TRRAP: variants seen among roughly 807,000 people sequenced by gnomAD.
TRRAP encodes transformation/transcription domain-associated protein.
Under a neutral mutation model 438.8 loss-of-function variants are expected in TRRAP, and 41 were observed. The ratio of observed to expected loss-of-function variants is 0.09; its 90% CI spans 0.07 to 0.12. The LOEUF is 0.12. Among genes scored for constraint, TRRAP ranks in the 10% least tolerant of loss-of-function variants. The pLI, the probability that TRRAP is intolerant of heterozygous loss-of-function variation, is 1.00. For missense variants in TRRAP, 3,122 were observed against 5,055.1 expected, an observed-to-expected ratio of 0.62 and a Z score of 11.60; for synonymous variants, 1,994 against 1,962.9, an observed-to-expected ratio of 1.02 and a Z score of -0.42.
chr7:98,940,446 C>A (rs1449400147), intron 30 of TRRAP, among the ~76,000 whole-genome samples: 1 of 152,148 alleles, frequency 6.6e-6, no homozygotes, highest in African/African-American at 2.4e-5. Context: ...GCGCCTGGCC[C>A]AGCCTGTTTA....
intron 58 of TRRAP, 63 bp downstream of exon 58, chr7:98,978,967 C>T: frequency 6.3e-7 from 1 of 1,597,734 alleles, no homozygotes; most frequent in East Asian, 2.2e-5. Context: ...CTGCAGGTGT[C>T]TCTTGGGAGA....
rs1794490825 is a variant in TRRAP, at chr7:99,013,022, T to C, written c.*667T>C. 6.6e-6 allele frequency: 1 copy of C among 152,276 alleles called. No individual in the cohort carries two copies. Among genetic ancestry groups the C allele is most frequent in the African/African-American group, 2.4e-5 (1 of 41,474 alleles). 9.4% of individuals were successfully genotyped at this position (152,276 alleles called of 1,614,324 possible). ...CTGCAGGCGGCTCCTGTGCTTTTTA[T>C]TTCTGGCTCTTCGGATGTCTTCTAG... On this transcript the variant is annotated 3_prime_UTR_variant, in exon 73 of 73. Transcript: ENST00000456197.
rs956644579 is a variant in TRRAP at position 98,967,642 on chromosome 7, T to C, written c.7456T>C (p.Cys2486Arg). Reference sequence around the variant, plus strand: ...CTACGAGCGCTTGCTCTATGTGACCTGTTCGCAGAACTGGGAAGCCATGGG... The same window carrying C: ...CTACGAGCGCTTGCTCTATGTGACCCGTTCGCAGAACTGGGAAGCCATGGG... ...RVYERLLYVTCSQNWEAMGNH... is the reference protein window; with the variant it reads ...RVYERLLYVTRSQNWEAMGNH... Residue 2486 changes from cysteine (C) to arginine (R), a missense_variant, in exon 51 of 73, where the codon TGT becomes CGT. This residue lies in a region of TRRAP where 992 missense variants were observed against 1,281.2 expected (regional missense o/e 0.77). Coordinates refer to ENST00000456197, the MANE Select transcript of TRRAP (RefSeq NM_001375524.1). 6.2e-7 allele frequency: 1 copy of C among 1,614,092 alleles called. No homozygotes were observed.
Position 98,988,869 on chromosome 7 carries a change from A to G in TRRAP, c.9494A>G (p.Lys3165Arg), listed in dbSNP as rs748535580. The G allele has an allele frequency of 2.5e-6, 4 of 1,614,078 alleles. No homozygotes were observed. The Admixed American group carries it at 5.0e-5, about 20-fold the overall frequency. ...WGDYLENIFVKERQLHLGVSA... is the reference protein window; with the variant it reads ...WGDYLENIFVRERQLHLGVSA... ...GACTACCTGGAGAACATCTTTGTGA[A>G]GGAGCGGCAGCTGCACCTGGGCGTG... Residue 3165 changes from lysine to arginine, a missense_variant, in exon 63 of 73, where the codon AAG becomes AGG. Around this residue, in one of 24 missense-constraint regions of TRRAP, gnomAD observed 23 missense variants for 18.2 expected, o/e 1.27. Transcript: ENST00000456197.
chr7:98,905,842 T>C (rs540498719), intron 12 of TRRAP, among the ~76,000 whole-genome samples: 7 of 152,232 alleles, frequency 4.6e-5, no homozygotes, highest in African/African-American at 1.4e-4. Flanking sequence ...GGGAGGGTGG[T>C]GACAATGTTT....
At chr7:98,957,309 C>G (rs1187895532) in intron 43 of TRRAP, among the ~76,000 whole-genome samples, 1 of 152,218 alleles carries the variant, frequency 6.6e-6, no homozygotes, top group African/African-American at 2.4e-5. Context: ...TTTATTCCCT[C>G]TTTATTTTTC....
intron 67 of TRRAP, among the ~76,000 whole-genome samples, chr7:98,998,333 T>G (rs1793764947): frequency 6.6e-6 from 1 of 152,168 alleles, no homozygotes; most frequent in South Asian, 2.1e-4. Flanking sequence ...AACCTTTGGC[T>G]TAGAATTTTT....
intron 3 of TRRAP, among the ~76,000 whole-genome samples, chr7:98,886,186 A>G (rs1425771703): frequency 6.6e-6 from 1 of 152,176 alleles, no homozygotes; most frequent in Non-Finnish European, 1.5e-5. Flanking sequence ...AGCTACTGGG[A>G]AGGCTGAGGC....
intron 19 of TRRAP, among the ~76,000 whole-genome samples, chr7:98,916,925 A>G (rs1167508073): frequency 2.6e-5 from 4 of 151,914 alleles, no homozygotes; most frequent in African/African-American, 9.7e-5. Context: ...TCTTGGGTCC[A>G]CTGCCACACG....
rs1435297267 is a variant in TRRAP at position 98,965,913 on chromosome 7, G to A, written c.7176+18G>A. The A allele has an allele frequency of 1.2e-6, 2 of 1,613,384 alleles. No homozygotes were observed. Among genetic ancestry groups the A allele is most frequent in the Non-Finnish European group, 8.5e-7 (1 of 1,179,492 alleles). ...CCAATCAGGTGAGCTGGGACGGTGT[G>A]CCATGTGATCTCCCTTTCAATAAAA... On this transcript the variant is annotated intron_variant, in intron 49 of 72. Transcript: ENST00000456197.
intron 1 of TRRAP, among the ~76,000 whole-genome samples, chr7:98,880,338 A>C (rs572448245): frequency 2.3e-4 from 33 of 141,966 alleles, no homozygotes; most frequent in Middle Eastern, 3.9e-3. Context: ...ATCTTGGCTC[A>C]CTGCAATCTC....
chr7:98,988,984 A>G lies in TRRAP; in HGVS notation c.9591+18A>G, dbSNP rs1793271334. On this transcript the variant is annotated intron_variant, in intron 63 of 72. Transcript: ENST00000456197. ...TAGCCAAGGTGAGACCGAAAAAACG[A>G]GCTTTGACCAGAGGCCATCTGTCAC... 6.2e-7 allele frequency: 1 copy of G among 1,605,762 alleles called. No individual in the cohort carries two copies. The highest frequency in any genetic ancestry group is 1.3e-5 in the African/African-American group (1 of 74,964).
intron 62 of TRRAP, among the ~76,000 whole-genome samples, chr7:98,986,879 T>A (rs535461231): frequency 6.6e-6 from 1 of 152,376 alleles, no homozygotes; most frequent in East Asian, 1.9e-4. Flanking sequence ...TTTTATGTGG[T>A]GTGAGGTAGG....
In TRRAP at chr7:98,987,692, G is replaced by T. The variant is rs967653409; in HGVS notation, c.9390-1073G>T. On this transcript the variant is annotated intron_variant, in intron 62 of 72. Transcript: ENST00000456197. ...CTTTTATTTCTTTTTCTTCCCAATT[G>T]CCCTGACTAGAACCTCAAGTACAGT... is the stretch of plus-strand genomic sequence containing the variant. 9.2e-5 allele frequency among the ~76,000 whole-genome samples: 14 copies of T among 152,124 alleles called. No homozygotes were observed. In the East Asian group the frequency reaches 2.7e-3, roughly 29 times the overall value.
intron 51 of TRRAP, among the ~76,000 whole-genome samples, chr7:98,968,246 C>T (rs1258486021): frequency 1.3e-5 from 2 of 152,090 alleles, no homozygotes; most frequent in Non-Finnish European, 2.9e-5. Flanking sequence ...CACAAACTCC[C>T]AAGCTCAAGT....
At chr7:98,968,370 C>T (rs1237177440) in intron 51 of TRRAP, among the ~76,000 whole-genome samples, 1 of 152,218 alleles carries the variant, frequency 6.6e-6, no homozygotes, top group Admixed American at 6.5e-5. Context: ...GGCCTGACCA[C>T]GCTGTCGGTT....
chr7:99,010,401 G>A (rs1234487784), intron 70 of TRRAP, among the ~76,000 whole-genome samples: 5 of 152,154 alleles, frequency 3.3e-5, no homozygotes, highest in African/African-American at 1.2e-4. Flanking sequence ...ATGTGTCGCC[G>A]GTGGCCTCCC....
rs1792934927 is a variant in TRRAP, at chr7:98,981,811, A to G, written c.8677A>G (p.Met2893Val). 1.2e-6 allele frequency: 2 copies of G among 1,605,994 alleles called. No individual in the cohort carries two copies. Among genetic ancestry groups the G allele is most frequent in the African/African-American group, 1.3e-5 (1 of 74,758 alleles). ...CPKEMAWKVN[M>V]YRGYLAICHP... ...GAAGGAGATGGCCTGGAAGGTGAACATGTACCGCGGATACCTGGCCATCTG... is the reference window on the plus strand; with the variant it reads ...GAAGGAGATGGCCTGGAAGGTGAACGTGTACCGCGGATACCTGGCCATCTG... The change falls in exon 59 of 73, where the codon ATG (methionine) becomes GTG (valine). Residue 2893 changes from methionine (M) to valine (V), a missense_variant. This residue lies in a region of TRRAP where 992 missense variants were observed against 1,281.2 expected (regional missense o/e 0.77). Transcript: ENST00000456197.
chr7:98,878,586 G>C lies in TRRAP; in HGVS notation c.-113G>C, dbSNP rs1226648779. 9 of 151,212 alleles carry C rather than the reference G, an allele frequency of 6.0e-5. No homozygotes were observed. The highest frequency in any genetic ancestry group is 8.9e-5 in the Non-Finnish European group (6 of 67,758). The allele number at this position is 151,212 out of a possible 1,614,324, so 9.4% of individuals were successfully genotyped here. A position where few individuals can be genotyped will look rare whatever the true frequency, so the allele number is the denominator to read the frequency against. ...CGGTTGCGACGAGGGCTCGGCTGGG[G>C]GTCGCCGGGGTCGCGGGCCGGGCCT... On this transcript the variant is annotated 5_prime_UTR_variant, in exon 1 of 73. Coordinates refer to ENST00000456197, the MANE Select transcript of TRRAP (RefSeq NM_001375524.1).
Sources: gnomAD v4.1 joint callset for allele counts (sites outside exome capture counted in the v4.1 genomes callset) on GRCh38, gnomAD v4.1.1 for gene constraint, gnomAD v4.1.1 regional missense constraint, MANE v1.5 for transcripts, NCBI Gene and HGNC (gene_info 2026-07-23, HGNC 2026-07-21) for gene names.